The following LARP1B variants were observed in gnomAD, a reference collection of about 807,000 sequenced individuals.
LARP1B encodes La ribonucleoprotein 1B, also known as la-related protein 1B.
A neutral mutation model predicts 114.2 loss-of-function variants in LARP1B; 76 were observed. The ratio of observed to expected loss-of-function variants is 0.67; its 90% CI spans 0.55 to 0.81. LARP1B has a LOEUF of 0.81. Among genes scored for constraint, LARP1B ranks in the 30% least tolerant of loss-of-function variants. The pLI is 0.00. For synonymous variants in LARP1B, 345 were observed against 348.0 expected (o/e 0.99, Z 0.10); for missense variants, 1,014 against 1,075.8 (o/e 0.94, Z 0.80).
At chr4:128,209,086 C>T (rs1758364840) in intron 19 of LARP1B, among the ~76,000 whole-genome samples, 1 of 152,156 alleles carries the variant, frequency 6.6e-6, no homozygotes, top group African/African-American at 2.4e-5. Flanking sequence ...TATGCCCCAT[C>T]AGATAGCTCA....
At chr4:128,125,612 G>A (rs1293905378) in intron 11 of LARP1B, among the ~76,000 whole-genome samples, 1 of 152,204 alleles carries the variant, frequency 6.6e-6, no homozygotes, top group Non-Finnish European at 1.5e-5. Flanking sequence ...GGACATGGTG[G>A]CGCGTGCCTG....
In LARP1B at chr4:128,206,470, G is replaced by T. The variant is rs886813718; in HGVS notation, c.2352G>T (p.Leu784=). The T allele has an allele frequency of 2.5e-6, 4 of 1,612,618 alleles. No homozygotes were observed. The South Asian group carries it at 4.4e-5, about 18-fold the overall frequency. Residue 784 remains leucine (L), a synonymous_variant, in exon 18 of 20, where the codon CTG becomes CTT. Transcript: ENST00000326639. The part of the protein sequence containing the change: ...ECLFRFYSYG[L]EKKFRREIFQ... Reference sequence around the variant, plus strand: ...TGTTCAGGTTTTATAGTTATGGACTGGAAAAAAAATTCAGGCGAGAAATTT... The same window carrying T: ...TGTTCAGGTTTTATAGTTATGGACTTGAAAAAAAATTCAGGCGAGAAATTT...
intron 11 of LARP1B, among the ~76,000 whole-genome samples, chr4:128,129,989 T>C (rs1268276372): frequency 6.6e-6 from 1 of 152,142 alleles, no homozygotes; most frequent in Non-Finnish European, 1.5e-5. Flanking sequence ...AAACAATCCA[T>C]GAAAGAAATA....
At chr4:128,086,565 G>A (rs959205267) in intron 5 of LARP1B, among the ~76,000 whole-genome samples, 4 of 152,120 alleles carry the variant, frequency 2.6e-5, no homozygotes, top group Admixed American at 2.0e-4. Context: ...TTGGGCCCAA[G>A]CGATCTTCCA....
chr4:128,068,334 A>T (rs1348799444), intron 1 of LARP1B, among the ~76,000 whole-genome samples: 1 of 149,588 alleles, frequency 6.7e-6, no homozygotes, highest in Non-Finnish European at 1.5e-5. Flanking sequence ...TTTTTTTAAG[A>T]GACCGAGTCT....
At chr4:128,164,166 A>G (rs1324123337) in intron 12 of LARP1B, among the ~76,000 whole-genome samples, 1 of 152,034 alleles carries the variant, frequency 6.6e-6, no homozygotes, top group Non-Finnish European at 1.5e-5. Flanking sequence ...TGCTAATCCT[A>G]TGATATAATA....
intron 11 of LARP1B, among the ~76,000 whole-genome samples, chr4:128,151,981 T>C (rs1293616311): frequency 6.6e-6 from 1 of 152,210 alleles, no homozygotes; most frequent in African/African-American, 2.4e-5. Flanking sequence ...ACATGTGATG[T>C]CAGTTACAAA....
chr4:128,135,098 A>AAAATAAATAAAT (rs71304333), intron 11 of LARP1B, among the ~76,000 whole-genome samples: 98 of 141,568 alleles, frequency 6.9e-4, no homozygotes, highest in East Asian at 4.6e-3. Context: ...ACTTCATCTC[A>AAAATAAATAAAT]AAATAAATAA....
chr4:128,136,318 AAAC>A (rs1054488440), intron 11 of LARP1B, among the ~76,000 whole-genome samples: 4 of 135,228 alleles, frequency 3.0e-5, no homozygotes, highest in Admixed American at 1.5e-4. Context: ...GTCTCAAGAA[AAAC>A]AAAAAAACAA....
At chr4:128,136,315 GAAAAACAA>G (rs1175880754) in intron 11 of LARP1B, among the ~76,000 whole-genome samples, 86 of 111,822 alleles carry the variant, frequency 7.7e-4, no homozygotes, top group South Asian at 2.1e-3. Context: ...ACAGTCTCAA[GAAAAACAA>G]AAAAACAAAA....
intron 1 of LARP1B, among the ~76,000 whole-genome samples, chr4:128,065,336 C>CTTTCTTTTCTTTTCTTTTCT (rs70966072): frequency 2.2e-3 from 239 of 107,992 alleles, no homozygotes; most frequent in Middle Eastern, 4.2e-3. Context: ...TCTCTCTTTC[C>CTTTCTTTTCTTTTCTTTTCT]TTTCTTTTCT....
chr4:128,071,045 A>T (rs1765106373), intron 1 of LARP1B, among the ~76,000 whole-genome samples: 1 of 151,260 alleles, frequency 6.6e-6, no homozygotes. Context: ...TAATGTTTTT[A>T]TTTTTATTTT....
At chr4:128,123,455 C>T (rs944159829) in intron 11 of LARP1B, 4 of 868,482 alleles carry the variant, frequency 4.6e-6, no homozygotes, top group Non-Finnish European at 5.5e-6. Flanking sequence ...TAAAATTATC[C>T]TTCCCCCATT....
intron 11 of LARP1B, among the ~76,000 whole-genome samples, chr4:128,150,246 C>T (rs189514777): frequency 6.6e-6 from 1 of 151,990 alleles, no homozygotes; most frequent in Admixed American, 6.5e-5. Context: ...GAGATTATGA[C>T]CCATAAAGGG....
chr4:128,206,921 C>A, intron 18 of LARP1B: 1 of 777,934 alleles, frequency 1.3e-6, no homozygotes, highest in Non-Finnish European at 1.6e-6. Flanking sequence ...AATTCCCTTT[C>A]CACTATTTAG....
At chr4:128,136,730 C>A (rs1006106773) in intron 11 of LARP1B, among the ~76,000 whole-genome samples, 3 of 152,100 alleles carry the variant, frequency 2.0e-5, no homozygotes, top group African/African-American at 7.2e-5. Flanking sequence ...ACACAAAGCA[C>A]ATTATTAGTG....
At chr4:128,081,137 G>A (rs1462505923) in intron 4 of LARP1B, among the ~76,000 whole-genome samples, 1 of 149,004 alleles carries the variant, frequency 6.7e-6, no homozygotes, top group African/African-American at 2.5e-5. Context: ...AGAGTGCAGT[G>A]GCACGATCTC....
intron 1 of LARP1B, among the ~76,000 whole-genome samples, chr4:128,073,518 T>C (rs1243464303): frequency 2.3e-5 from 2 of 85,928 alleles, no homozygotes; most frequent in East Asian, 6.8e-4. Flanking sequence ...AAAGAGACTC[T>C]GTCTCAAAAA....
chr4:128,202,612 A>G (rs1042067427), intron 17 of LARP1B, among the ~76,000 whole-genome samples: 3 of 152,190 alleles, frequency 2.0e-5, no homozygotes, highest in African/African-American at 7.2e-5. Context: ...TTTGTTCCTT[A>G]AGACTTTCTG....
Sources: allele counts gnomAD v4.1 joint callset (sites outside exome capture counted in the v4.1 genomes callset), GRCh38; gene constraint gnomAD v4.1.1; transcripts MANE v1.5; gene names NCBI Gene and HGNC (gene_info 2026-07-23, HGNC 2026-07-21).